Variants in SPATA7 observed in about 807,000 individuals in gnomAD.
SPATA7 encodes spermatogenesis-associated protein 7.
In SPATA7, 43 loss-of-function variants were observed where a neutral mutation model predicts 51.8. The observed-to-expected ratio is 0.83, with a 90% CI of 0.65 to 1.07. SPATA7 has a LOEUF of 1.07. Among genes scored for constraint, SPATA7 ranks in the 50% least tolerant of loss-of-function variants. The pLI, the probability that SPATA7 is intolerant of heterozygous loss-of-function variation, is 0.00. For synonymous variants in SPATA7, 230 were observed against 252.8 expected (o/e 0.91, Z 0.86); for missense variants, 683 against 701.3 (o/e 0.97, Z 0.30).
chr14:88,468,184 CA>C (rs2077394838), intron 4 of SPATA7: 2 of 1,613,274 alleles, frequency 1.2e-6, no homozygotes, highest in Non-Finnish European at 1.7e-6. Context: ...ACTCTGTACA[CA>C]AATGTGTACT....
chr14:88,419,909 A>C (rs1377325530), intron 5 of SPATA7, among the ~76,000 whole-genome samples: 3 of 152,110 alleles, frequency 2.0e-5, no homozygotes, highest in Admixed American at 6.6e-5. Flanking sequence ...ACACCCCCAC[A>C]GTGACCCACA....
rs375376800 is a variant in SPATA7, at chr14:88,419,234, A to G, written c.372+2390A>G. Among the ~76,000 whole-genome samples, 3 of 152,200 alleles carry G rather than the reference A, an allele frequency of 2.0e-5. No individual in the cohort carries two copies. In the East Asian group the frequency reaches 5.8e-4, roughly 29 times the overall value. ...TTTTGAATGCATGTTATTACATTAGAGATATTAGAGATACAGAATACAGAT... is the reference window on the plus strand; with the variant it reads ...TTTTGAATGCATGTTATTACATTAGGGATATTAGAGATACAGAATACAGAT... On this transcript the variant is annotated intron_variant, in intron 5 of 11. Transcript: ENST00000393545.
At chr14:88,424,274 A>G (rs1393468034) in intron 5 of SPATA7, among the ~76,000 whole-genome samples, 1 of 152,224 alleles carries the variant, frequency 6.6e-6, no homozygotes, top group South Asian at 2.1e-4. Flanking sequence ...CAAGATGCAG[A>G]TTGGTACAGT....
intron 5 of SPATA7, among the ~76,000 whole-genome samples, chr14:88,422,210 A>C (rs569792370): frequency 6.6e-6 from 1 of 152,244 alleles, no homozygotes; most frequent in African/African-American, 2.4e-5. Flanking sequence ...ACTTGGATAT[A>C]AGCATCTGTG....
chr14:88,462,184 C>T (rs1233238516), intron 4 of SPATA7, among the ~76,000 whole-genome samples: 1 of 152,094 alleles, frequency 6.6e-6, no homozygotes, highest in Non-Finnish European at 1.5e-5. Flanking sequence ...AATAAACTTC[C>T]AGGATAAAAA....
At chr14:88,441,849 G>A (rs1241187831), downstream of SPATA7, among the ~76,000 whole-genome samples, 1 of 152,122 alleles carries the variant, frequency 6.6e-6, no homozygotes, top group Non-Finnish European at 1.5e-5. Context: ...GTTTACCTAA[G>A]TATCATCTGT....
At chr14:88,399,995 T>C (rs1280044428) in intron 4 of SPATA7, among the ~76,000 whole-genome samples, 2 of 152,158 alleles carry the variant, frequency 1.3e-5, no homozygotes, top group Non-Finnish European at 2.9e-5. Context: ...TTAACAGATA[T>C]ATACAGACCT....
chr14:88,433,349 A>T (rs1439401447), intron 10 of SPATA7, 137 bp downstream of exon 10: 5 of 646,996 alleles, frequency 7.7e-6, no homozygotes, highest in Non-Finnish European at 1.3e-5. Context: ...TTGGAAACTT[A>T]TTATTATAAT....
At chr14:88,454,364 C>G (rs928085358) in intron 3 of SPATA7, among the ~76,000 whole-genome samples, 10 of 152,256 alleles carry the variant, frequency 6.6e-5, no homozygotes, top group African/African-American at 2.2e-4. Context: ...AGGATAATCC[C>G]CCAACTCAAA....
chr14:88,400,779 G>C (rs898197361), intron 4 of SPATA7, among the ~76,000 whole-genome samples: 4 of 152,236 alleles, frequency 2.6e-5, no homozygotes, highest in Admixed American at 2.6e-4. Flanking sequence ...AGGTTGCAGT[G>C]AGCTGAGATC....
intron 4 of SPATA7, among the ~76,000 whole-genome samples, chr14:88,402,483 TAAATC>T (rs1318923858): frequency 2.0e-5 from 3 of 151,728 alleles, no homozygotes; most frequent in Non-Finnish European, 2.9e-5. Context: ...AACCCAGAAA[TAAATC>T]CATGTGTTTA....
chr14:88,386,657 AT>A (rs1443993262), intron 1 of SPATA7, among the ~76,000 whole-genome samples: 1 of 151,972 alleles, frequency 6.6e-6, no homozygotes, highest in East Asian at 1.9e-4. Flanking sequence ...AAACCAAATA[AT>A]TTGCATTTTC....
At chr14:88,409,569 T>G (rs1353832970) in intron 4 of SPATA7, among the ~76,000 whole-genome samples, 1 of 152,132 alleles carries the variant, frequency 6.6e-6, no homozygotes, top group Admixed American at 6.5e-5. Flanking sequence ...TTTTGAAGGG[T>G]TTTTCACATC....
intron 4 of SPATA7, among the ~76,000 whole-genome samples, chr14:88,415,436 G>C (rs1004910638): frequency 1.3e-5 from 2 of 151,680 alleles, no homozygotes; most frequent in African/African-American, 2.4e-5. Context: ...GCCTATAGGT[G>C]TCATTACATG....
chr14:88,429,264 A>C (rs1174720979), intron 7 of SPATA7, 84 bp from the exon 8 acceptor site: 2 of 740,094 alleles, frequency 2.7e-6, no homozygotes, highest in Non-Finnish European at 4.9e-6. Context: ...TCTCTGTTCA[A>C]TCACTTAAAA....
chr14:88,393,818 C>T (rs760067341), intron 3 of SPATA7, among the ~76,000 whole-genome samples: 3 of 152,026 alleles, frequency 2.0e-5, no homozygotes, highest in Non-Finnish European at 4.4e-5. Flanking sequence ...AAAGAAGATG[C>T]TATTTTTCTG....
chr14:88,416,771 T>C lies in SPATA7; in HGVS notation c.299T>C (p.Phe100Ser), dbSNP rs2076489459. The C allele has an allele frequency of 5.6e-6, 9 of 1,612,526 alleles. No individual in the cohort carries two copies. The highest frequency in any genetic ancestry group is 5.9e-6 in the Non-Finnish European group (7 of 1,178,890). Residue 100 changes from phenylalanine to serine, a missense_variant, in exon 5 of 12, where the codon TTC (phenylalanine) becomes TCC (serine). Physicochemically the swap from Phe to Ser is radical, Grantham distance 155. Coordinates refer to ENST00000393545, the MANE Select transcript of SPATA7 (RefSeq NM_018418.5). ...GAATTAGCACAATGTGAAAAAGAGT[T>C]CAAATTAACTAAAACTGCAATGCGA... ...KKELAQCEKEFKLTKTAMRAN... is the reference protein window; with the variant it reads ...KKELAQCEKESKLTKTAMRAN...
chr14:88,390,353 C>T (rs577954054), intron 1 of SPATA7, among the ~76,000 whole-genome samples: 32 of 151,766 alleles, frequency 2.1e-4, no homozygotes, highest in Non-Finnish European at 4.7e-4. Context: ...ACCAAGAAAT[C>T]GCTTTCTATC....
Position 88,385,700 on chromosome 14 carries a change from C to G in SPATA7, c.-119C>G, listed in dbSNP as rs1284801374. On this transcript the variant is annotated 5_prime_UTR_variant, in exon 1 of 12. Coordinates refer to ENST00000393545, the MANE Select transcript of SPATA7 (RefSeq NM_018418.5). Reference sequence around the variant, plus strand: ...CAACGGCCTGGCAACGGTTTCCCTGCTGCTGCAGCCCCCGTCGGCTCCTCT... The same window carrying G: ...CAACGGCCTGGCAACGGTTTCCCTGGTGCTGCAGCCCCCGTCGGCTCCTCT... 9 of 995,696 alleles carry G rather than the reference C, an allele frequency of 9.0e-6. No homozygotes were observed. The highest frequency in any genetic ancestry group is 1.6e-5 in the African/African-American group (1 of 63,174). 61.7% of individuals were successfully genotyped at this position (995,696 alleles called of 1,614,324 possible). A position where few individuals can be genotyped will look rare whatever the true frequency, so the allele number is the denominator to read the frequency against.
Sources: gnomAD v4.1 joint callset for allele counts (sites outside exome capture counted in the v4.1 genomes callset) on GRCh38, gnomAD v4.1.1 for gene constraint, MANE v1.5 for transcripts, NCBI Gene and HGNC (gene_info 2026-07-23, HGNC 2026-07-21) for gene names.